Variants in CALD1 observed in about 807,000 individuals in gnomAD.
CALD1 encodes the protein caldesmon 1.
A neutral mutation model predicts 99.9 loss-of-function variants in CALD1; 33 were observed. That is an observed-to-expected ratio of 0.33 (90% CI 0.25 to 0.44). CALD1 has a LOEUF of 0.44. Among genes scored for constraint, CALD1 ranks in the 20% least tolerant of loss-of-function variants. CALD1 has a pLI of 1.00. For missense variants in CALD1, 861 were observed against 962.1 expected (o/e 0.89, Z 1.39); for synonymous variants, 310 against 325.0 (o/e 0.95, Z 0.50).
intron 3 of CALD1, among the ~76,000 whole-genome samples, chr7:134,918,389 T>A (rs1259807246): frequency 2.0e-5 from 3 of 152,186 alleles, no homozygotes; most frequent in Non-Finnish European, 4.4e-5. Context: ...GCTATTGATA[T>A]AAACATAGAT....
intron 6 of CALD1, among the ~76,000 whole-genome samples, chr7:134,939,974 A>C (rs1806299240): frequency 6.6e-6 from 1 of 152,114 alleles, no homozygotes; most frequent in African/African-American, 2.4e-5. Context: ...TTAAAAAAAA[A>C]AATGCACTTT....
At chr7:134,740,177 C>T (rs12532825), upstream of CALD1, among the ~76,000 whole-genome samples, 22,729 of 151,900 alleles carry the variant, frequency 0.15, 1,849 homozygotes, top group East Asian at 0.21. Context: ...GCTGAGGGCT[C>T]TGCAATTGAA....
the CALD1 span, among the ~76,000 whole-genome samples, chr7:134,721,605 G>A: frequency 6.6e-6 from 1 of 151,970 alleles, no homozygotes; most frequent in Non-Finnish European, 1.5e-5. Flanking sequence ...GAGGTGGGGG[G>A]GTGAAGGGTG....
chr7:134,918,857 G>A (rs1255369976), intron 3 of CALD1, among the ~76,000 whole-genome samples: 3 of 152,130 alleles, frequency 2.0e-5, no homozygotes, highest in East Asian at 3.8e-4. Flanking sequence ...TTAGCCAGAT[G>A]TGGTGGTGCA....
rs1413122384 is a variant in CALD1 at position 134,807,194 on chromosome 7, GA to G, written c.-130+27448del. ...AATGAGTCTTGTAATGGGAAAAATG[GA>G]AATATTGCTCCTTGAGGATTTGAAG... On this transcript the variant is annotated intron_variant, in intron 1 of 14. Transcript: ENST00000361675. 4.6e-5 allele frequency among the ~76,000 whole-genome samples: 7 copies of G among 152,062 alleles called. No homozygotes were observed. The South Asian group carries it at 1.0e-3, about 23-fold the overall frequency.
chr7:134,781,602 A>C (rs1797106625), intron 1 of CALD1, among the ~76,000 whole-genome samples: 1 of 71,132 alleles, frequency 1.4e-5, no homozygotes, highest in Non-Finnish European at 2.5e-5. Context: ...CCAAAGGAGC[A>C]CAATGAAAAC....
chr7:134,951,853 A>G (rs1807363598), intron 9 of CALD1, among the ~76,000 whole-genome samples: 1 of 152,266 alleles, frequency 6.6e-6, no homozygotes, highest in Non-Finnish European at 1.5e-5. Flanking sequence ...CATCTAGCAC[A>G]GTGCCTTACA....
intron 14 of CALD1, among the ~76,000 whole-genome samples, chr7:134,966,900 GA>G (rs1808718755): frequency 6.6e-6 from 1 of 152,016 alleles, no homozygotes; most frequent in Non-Finnish European, 1.5e-5. Flanking sequence ...CAAACCCATG[GA>G]ATGGTTCCCA....
chr7:134,868,070 T>C (rs773535223), intron 3 of CALD1: 15 of 221,400 alleles, frequency 6.8e-5, no homozygotes, highest in Non-Finnish European at 1.3e-4. Context: ...ACCTTTCACA[T>C]TGGAATGTTT....
At chr7:134,764,257 C>T (rs1796806506) in intron 1 of CALD1, among the ~76,000 whole-genome samples, 1 of 152,128 alleles carries the variant, frequency 6.6e-6, no homozygotes, top group Non-Finnish European at 1.5e-5. Flanking sequence ...CACCAACTTG[C>T]ATTCTCAGAT....
chr7:134,837,194 A>G (rs1420989409), intron 1 of CALD1, among the ~76,000 whole-genome samples: 1 of 152,220 alleles, frequency 6.6e-6, no homozygotes, highest in Non-Finnish European at 1.5e-5. Flanking sequence ...GAATTGAGCC[A>G]TTCTACTTTC....
chr7:134,790,145 G>A (rs550059646), intron 1 of CALD1, among the ~76,000 whole-genome samples: 1 of 151,638 alleles, frequency 6.6e-6, no homozygotes, highest in Non-Finnish European at 1.5e-5. Context: ...AAAGGGGGAA[G>A]AGGAGGGAGG....
intron 8 of CALD1, among the ~76,000 whole-genome samples, chr7:134,950,016 T>C (rs1401163966): frequency 6.6e-6 from 1 of 152,188 alleles, no homozygotes; most frequent in Non-Finnish European, 1.5e-5. Flanking sequence ...CCCTGGGCCA[T>C]GGGTTGGACA....
At chr7:134,897,124 T>C (rs1038618752) in intron 3 of CALD1, among the ~76,000 whole-genome samples, 13 of 152,168 alleles carry the variant, frequency 8.5e-5, no homozygotes, top group Non-Finnish European at 1.8e-4. Context: ...GTAAACCTCA[T>C]TCATTTCCAG....
chr7:134,869,916 C>G (rs1035949429), intron 3 of CALD1, among the ~76,000 whole-genome samples: 3 of 152,102 alleles, frequency 2.0e-5, no homozygotes, highest in African/African-American at 7.2e-5. Flanking sequence ...GGGGGAGAAC[C>G]AGGGAGAGTA....
chr7:134,741,202 T>C (rs12670685), upstream of CALD1, among the ~76,000 whole-genome samples: 89,188 of 152,024 alleles, frequency 0.59, 26,881 homozygotes, highest in East Asian at 0.86. Flanking sequence ...CACAGTTCCA[T>C]AAGGCTGGGG....
At chr7:134,945,569 T>C (rs1472637971) in intron 7 of CALD1, among the ~76,000 whole-genome samples, 2 of 152,230 alleles carry the variant, frequency 1.3e-5, no homozygotes, top group African/African-American at 4.8e-5. Context: ...TTTCCTTGTT[T>C]GTAAGATGGG....
chr7:134,919,312 A>G (rs779822514), intron 3 of CALD1, among the ~76,000 whole-genome samples: 9 of 152,142 alleles, frequency 5.9e-5, no homozygotes, highest in Non-Finnish European at 8.8e-5. Flanking sequence ...GACCTGATCT[A>G]TTTGTTGGAC....
intron 2 of CALD1, among the ~76,000 whole-genome samples, chr7:134,857,447 G>A (rs979295873): frequency 3.3e-5 from 5 of 151,796 alleles, no homozygotes; most frequent in African/African-American, 4.8e-5. Context: ...GTGAGCCACC[G>A]CGCCCGGCCA....
Sources: allele counts gnomAD v4.1 joint callset (sites outside exome capture counted in the v4.1 genomes callset), GRCh38; gene constraint gnomAD v4.1.1; transcripts MANE v1.5; gene names NCBI Gene and HGNC (gene_info 2026-07-23, HGNC 2026-07-21).